Variants in FBXL17 observed in about 807,000 individuals in gnomAD.
The protein encoded by FBXL17 is F-box and leucine rich repeat protein 17, also known as F-box/LRR-repeat protein 17.
In FBXL17, 22 loss-of-function variants were observed where a neutral mutation model predicts 66.2. The ratio of observed to expected loss-of-function variants is 0.33; its 90% CI spans 0.24 to 0.47. The LOEUF (loss-of-function observed/expected upper bound fraction) is 0.47. Among genes scored for constraint, FBXL17 ranks in the 20% least tolerant of loss-of-function variants. The pLI, the probability that FBXL17 is intolerant of heterozygous loss-of-function variation, is 1.00. For synonymous variants in FBXL17, 474 were observed against 400.5 expected (o/e 1.18, Z -2.19); for missense variants, 878 against 948.2 (o/e 0.93, Z 0.97).
chr5:108,081,579 C>T (rs1369843339), intron 6 of FBXL17, among the ~76,000 whole-genome samples: 1 of 151,904 alleles, frequency 6.6e-6, no homozygotes, highest in Non-Finnish European at 1.5e-5. Context: ...AAAAAGTAGC[C>T]GGCCGTGGTG....
chr5:107,966,136 C>G (rs1367586473), intron 7 of FBXL17, among the ~76,000 whole-genome samples: 1 of 152,088 alleles, frequency 6.6e-6, no homozygotes, highest in Non-Finnish European at 1.5e-5. Flanking sequence ...GGGTATTTGC[C>G]CTATCCCTTC....
intron 7 of FBXL17, among the ~76,000 whole-genome samples, chr5:107,917,983 A>G (rs778444947): frequency 1.3e-5 from 2 of 152,240 alleles, no homozygotes; most frequent in Non-Finnish European, 2.9e-5. Flanking sequence ...AATGTTTATT[A>G]CAGAATCAGG....
chr5:108,183,330 C>T (rs192623874), intron 6 of FBXL17, among the ~76,000 whole-genome samples: 17 of 152,194 alleles, frequency 1.1e-4, no homozygotes, highest in South Asian at 4.1e-4. Flanking sequence ...TGAGCCACCA[C>T]GCCTGGCCCA....
In FBXL17 at chr5:107,878,831, A is replaced by G. The variant is rs1010510899; in HGVS notation, c.1965+2206T>C. 3.0e-6 allele frequency: 3 copies of G among 985,376 alleles called. No homozygotes were observed. The Admixed American group carries it at 1.8e-4, about 61-fold the overall frequency. The allele number at this position is 985,376 out of a possible 1,614,324, so 61.0% of individuals were successfully genotyped here. On this transcript the variant is annotated intron_variant, in intron 8 of 8. Transcript: ENST00000542267. ...GCTCTGAGCTGCTTTAAGTCTGAGG[A>G]AGCCAGACAGCAAGGCTGGGTCCAG...
intron 6 of FBXL17, among the ~76,000 whole-genome samples, chr5:108,114,754 A>G (rs1750176116): frequency 6.6e-6 from 1 of 152,176 alleles, no homozygotes; most frequent in African/African-American, 2.4e-5. Context: ...TGCCAATCAC[A>G]CTACTGCATC....
At chr5:108,208,866 A>G (rs1021183399) in intron 5 of FBXL17, among the ~76,000 whole-genome samples, 2 of 152,198 alleles carry the variant, frequency 1.3e-5, no homozygotes, top group African/African-American at 4.8e-5. Flanking sequence ...TGGCAGCTTC[A>G]TGGGGATAGC....
At chr5:108,322,064 G>A (rs1759644955) in intron 4 of FBXL17, among the ~76,000 whole-genome samples, 1 of 151,886 alleles carries the variant, frequency 6.6e-6, no homozygotes, top group Admixed American at 6.6e-5. Context: ...TGGCAAGAGT[G>A]TGGGAAACAA....
chr5:107,884,508 C>T (rs186587365), intron 7 of FBXL17, among the ~76,000 whole-genome samples: 2 of 152,338 alleles, frequency 1.3e-5, no homozygotes, highest in South Asian at 2.1e-4. Flanking sequence ...CTCTTTACCA[C>T]TCAGGTAGCC....
chr5:107,880,787 T>G (rs1333916055), intron 8 of FBXL17: 1 of 1,343,370 alleles, frequency 7.4e-7, no homozygotes, highest in South Asian at 2.4e-5. Context: ...TAGTTGACTA[T>G]GTATATGATT....
At chr5:108,240,418 G>C (rs552030466) in intron 4 of FBXL17, among the ~76,000 whole-genome samples, 14 of 152,168 alleles carry the variant, frequency 9.2e-5, no homozygotes, top group Non-Finnish European at 1.8e-4. Context: ...TTGGTAGCCA[G>C]GCAGTACTCC....
intron 8 of FBXL17, among the ~76,000 whole-genome samples, chr5:107,866,316 T>C (rs1283259513): frequency 6.6e-6 from 1 of 152,252 alleles, no homozygotes; most frequent in African/African-American, 2.4e-5. Context: ...CTGGATTTTA[T>C]ACTTCTCTCC....
At chr5:108,091,951 CA>C (rs1166677241) in intron 6 of FBXL17, among the ~76,000 whole-genome samples, 3 of 152,100 alleles carry the variant, frequency 2.0e-5, no homozygotes, top group Non-Finnish European at 2.9e-5. Flanking sequence ...TAATATATAA[CA>C]GCATGTTTTC....
intron 7 of FBXL17, among the ~76,000 whole-genome samples, chr5:107,907,290 T>C (rs2112541227): frequency 6.6e-6 from 1 of 152,276 alleles, no homozygotes; most frequent in South Asian, 2.1e-4. Flanking sequence ...GAAGCTCTAG[T>C]TATGTTGGTT....
At chr5:107,915,824 G>A (rs1036258021) in intron 7 of FBXL17, among the ~76,000 whole-genome samples, 1 of 152,108 alleles carries the variant, frequency 6.6e-6, no homozygotes, top group Non-Finnish European at 1.5e-5. Flanking sequence ...GCTAGTTCCT[G>A]CTGTTCCCCC....
chr5:108,114,755 C>T (rs975023089), intron 6 of FBXL17, among the ~76,000 whole-genome samples: 4 of 152,168 alleles, frequency 2.6e-5, no homozygotes, highest in Non-Finnish European at 5.9e-5. Context: ...GCCAATCACA[C>T]TACTGCATCT....
At chr5:108,154,667 A>C (rs1751919591) in intron 6 of FBXL17, among the ~76,000 whole-genome samples, 1 of 144,568 alleles carries the variant, frequency 6.9e-6, no homozygotes, top group African/African-American at 2.5e-5. Context: ...ATATACATAT[A>C]TATGTGTATA....
chr5:108,302,773 T>A (rs1007630361), intron 4 of FBXL17, among the ~76,000 whole-genome samples: 1 of 151,890 alleles, frequency 6.6e-6, no homozygotes, highest in Non-Finnish European at 1.5e-5. Context: ...AATTTACATA[T>A]AGATACGCCT....
At chr5:108,071,449 T>C (rs1748328255) in intron 6 of FBXL17, among the ~76,000 whole-genome samples, 2 of 152,208 alleles carry the variant, frequency 1.3e-5, no homozygotes, top group African/African-American at 4.8e-5. Flanking sequence ...TCTCCAGTTG[T>C]GAGGATGACT....
At chr5:108,323,794 CA>C (rs879699398) in intron 4 of FBXL17, among the ~76,000 whole-genome samples, 2 of 151,942 alleles carry the variant, frequency 1.3e-5, no homozygotes, top group Non-Finnish European at 2.9e-5. Context: ...CATAAAAAGT[CA>C]AATTATTTCC....
Sources: gnomAD v4.1 joint callset for allele counts (sites outside exome capture counted in the v4.1 genomes callset) on GRCh38, gnomAD v4.1.1 for gene constraint, MANE v1.5 for transcripts, NCBI Gene and HGNC (gene_info 2026-07-23, HGNC 2026-07-21) for gene names.